Variants in CNTNAP5 observed in about 807,000 individuals in gnomAD.
CNTNAP5 encodes the protein contactin associated protein family member 5.
CNTNAP5 carries 72 observed loss-of-function variants against 150.2 expected under a neutral mutation model. The observed-to-expected ratio is 0.48, with a 90% CI of 0.40 to 0.58. The LOEUF (loss-of-function observed/expected upper bound fraction) is 0.58, where lower values mean the gene tolerates loss of function less well. CNTNAP5 is among the 20% of genes least tolerant of loss of function. CNTNAP5 has a pLI of 0.00. For missense variants in CNTNAP5, 1,636 were observed against 1,626.2 expected (o/e 1.01, Z -0.10); for synonymous variants, 672 against 619.8 (o/e 1.08, Z -1.25).
chr2:124,816,238 G>A (rs1450097048), intron 19 of CNTNAP5, among the ~76,000 whole-genome samples: 1 of 152,280 alleles, frequency 6.6e-6, no homozygotes, highest in East Asian at 1.9e-4. Context: ...CCATTTGTCT[G>A]TGTGCTCTAT....
intron 3 of CNTNAP5, among the ~76,000 whole-genome samples, chr2:124,338,344 C>T (rs150949986): frequency 0.033 from 5,012 of 152,114 alleles, 149 homozygotes; most frequent in Non-Finnish European, 0.043. Flanking sequence ...TTTTCCTAAT[C>T]GAATACCCTT....
chr2:124,773,079 C>T, intron 17 of CNTNAP5, 62 bp downstream of exon 17: 1 of 1,322,964 alleles, frequency 7.6e-7, no homozygotes, highest in Non-Finnish European at 1.1e-6. Flanking sequence ...GTGACCATGC[C>T]CAAGAAAAAA....
intron 16 of CNTNAP5, among the ~76,000 whole-genome samples, chr2:124,765,754 G>A (rs561663710): frequency 3.2e-4 from 48 of 152,084 alleles, no homozygotes; most frequent in Non-Finnish European, 6.0e-4. Context: ...TCAGGAGTTC[G>A]AGACCAGCAT....
At chr2:124,207,413 C>T (rs974658340) in intron 1 of CNTNAP5, among the ~76,000 whole-genome samples, 14 of 152,192 alleles carry the variant, frequency 9.2e-5, no homozygotes, top group Admixed American at 2.6e-4. Flanking sequence ...TTCAAACCAA[C>T]TCCTTGTCAG....
chr2:124,256,171 T>C (rs967233163), intron 3 of CNTNAP5, among the ~76,000 whole-genome samples: 3 of 152,126 alleles, frequency 2.0e-5, no homozygotes, highest in Non-Finnish European at 2.9e-5. Flanking sequence ...ATTGAGCCAC[T>C]TGTCAATATA....
chr2:124,824,834 C>A (rs1478308830), intron 19 of CNTNAP5, among the ~76,000 whole-genome samples: 1 of 152,150 alleles, frequency 6.6e-6, no homozygotes, highest in Non-Finnish European at 1.5e-5. Context: ...GTCACACAAG[C>A]AAAGATTTTA....
chr2:124,648,453 A>T (rs6745271), intron 13 of CNTNAP5, among the ~76,000 whole-genome samples: 1 of 151,828 alleles, frequency 6.6e-6, no homozygotes, highest in Non-Finnish European at 1.5e-5. Context: ...GGCAGGGCAA[A>T]CCTGTGGGTT....
intron 21 of CNTNAP5, among the ~76,000 whole-genome samples, chr2:124,897,722 G>GGA (rs1473296518): frequency 3.3e-5 from 5 of 151,514 alleles, no homozygotes; most frequent in African/African-American, 1.2e-4. Context: ...AAGGGTGGAG[G>GGA]GGGCCTATGG....
intron 8 of CNTNAP5, among the ~76,000 whole-genome samples, chr2:124,523,148 CATTTTTTAAGCTA>C (rs1353799725): frequency 6.6e-6 from 1 of 152,144 alleles, no homozygotes; most frequent in Non-Finnish European, 1.5e-5. Flanking sequence ...CAGCTCTGTT[CATTTTTTAAGCTA>C]ATATGACTGC....
intron 1 of CNTNAP5, among the ~76,000 whole-genome samples, chr2:124,091,713 C>A (rs375911209): frequency 6.6e-6 from 1 of 152,156 alleles, no homozygotes; most frequent in African/African-American, 2.4e-5. Context: ...AGACCCCACA[C>A]ACGTTTATAG....
chr2:124,525,960 C>A (rs992044804), intron 9 of CNTNAP5, among the ~76,000 whole-genome samples: 1 of 152,116 alleles, frequency 6.6e-6, no homozygotes, highest in Non-Finnish European at 1.5e-5. Context: ...TTATAATGAT[C>A]GTAGAACAAG....
intron 11 of CNTNAP5, among the ~76,000 whole-genome samples, chr2:124,574,931 C>A (rs1214468276): frequency 6.6e-6 from 1 of 152,164 alleles, no homozygotes; most frequent in East Asian, 1.9e-4. Flanking sequence ...CTCATTTGTG[C>A]CATATTCAAG....
intron 21 of CNTNAP5, among the ~76,000 whole-genome samples, chr2:124,880,285 G>C (rs1172006270): frequency 1.3e-5 from 2 of 152,106 alleles, no homozygotes; most frequent in Non-Finnish European, 2.9e-5. Flanking sequence ...GTCAGAGCTA[G>C]GGTCTTGTGG....
intron 1 of CNTNAP5, among the ~76,000 whole-genome samples, chr2:124,107,271 G>A (rs1683189846): frequency 6.6e-6 from 1 of 152,170 alleles, no homozygotes; most frequent in Non-Finnish European, 1.5e-5. Context: ...GGAAACCACT[G>A]CGTCTATCTT....
chr2:124,199,541 G>A (rs529926069), intron 1 of CNTNAP5, among the ~76,000 whole-genome samples: 3 of 149,384 alleles, frequency 2.0e-5, no homozygotes, highest in Non-Finnish European at 4.4e-5. Context: ...TCAGCCTCCC[G>A]AGTAGCTGGG....
At position 124,032,090 on chromosome 2, in the gene CNTNAP5, C is replaced by T. The variant is rs750194130; in HGVS notation, c.82+6358C>T. On this transcript the variant is annotated intron_variant, in intron 1 of 23. Transcript: ENST00000682447. ...GTCCATAACCTCAAGAAACTTTGAACACTTGGTAGTTAGAAAAATAAACCT... is the reference window on the plus strand; with the variant it reads ...GTCCATAACCTCAAGAAACTTTGAATACTTGGTAGTTAGAAAAATAAACCT... 2.6e-4 allele frequency among the ~76,000 whole-genome samples: 40 copies of T among 152,220 alleles called. No individual in the cohort carries two copies. In the Middle Eastern group the frequency reaches 0.02, roughly 78 times the overall value.
chr2:124,333,380 T>C (rs1167585807), intron 3 of CNTNAP5, among the ~76,000 whole-genome samples: 1 of 152,146 alleles, frequency 6.6e-6, no homozygotes, highest in Non-Finnish European at 1.5e-5. Context: ...ACTGTCTATC[T>C]CACATGGACA....
intron 3 of CNTNAP5, among the ~76,000 whole-genome samples, chr2:124,399,929 T>C (rs1006822099): frequency 2.0e-5 from 3 of 152,168 alleles, no homozygotes; most frequent in African/African-American, 7.2e-5. Flanking sequence ...AGCTCTAAAC[T>C]ATAACGTCAT....
At chr2:124,195,233 G>A (rs950253104) in intron 1 of CNTNAP5, among the ~76,000 whole-genome samples, 3 of 152,142 alleles carry the variant, frequency 2.0e-5, no homozygotes, top group Non-Finnish European at 2.9e-5. Context: ...CAGGTGGCAG[G>A]GAGAGCAGAC....
Sources: allele counts gnomAD v4.1 joint callset (sites outside exome capture counted in the v4.1 genomes callset), GRCh38; gene constraint gnomAD v4.1.1; transcripts MANE v1.5; gene names NCBI Gene and HGNC (gene_info 2026-07-23, HGNC 2026-07-21).